PLCB4: variants seen among roughly 807,000 people sequenced by gnomAD.
The protein encoded by PLCB4 is phospholipase C beta 4.
PLCB4 carries 77 observed loss-of-function variants against 178.8 expected under a neutral mutation model. The observed-to-expected ratio is 0.43, with a 90% CI of 0.36 to 0.52. The LOEUF is 0.52. PLCB4 is among the 20% of genes least tolerant of loss of function. PLCB4 has a pLI of 0.00. For synonymous variants in PLCB4, 496 were observed against 490.8 expected (o/e 1.01, Z -0.14); for missense variants, 1,024 against 1,453.4 (o/e 0.70, Z 4.80).
rs1489270910 is a variant in PLCB4 at position 9,084,810 on chromosome 20, A to G, written c.-134-11477A>G. Among the ~76,000 whole-genome samples the G allele has an allele frequency of 2.0e-5, 3 of 152,190 alleles. No homozygotes were observed. In the South Asian group the frequency reaches 6.2e-4, roughly 32 times the overall value. ...ATAAAGCATGACATTGATTTGCTTTAAATAAAAAAAGAATATATTTTCACA... is the reference window on the plus strand; with the variant it reads ...ATAAAGCATGACATTGATTTGCTTTGAATAAAAAAAGAATATATTTTCACA... On this transcript the variant is annotated intron_variant, in intron 1 of 39. Coordinates refer to ENST00000378473, the MANE Select transcript of PLCB4 (RefSeq NM_001377142.1).
intron 4 of PLCB4, among the ~76,000 whole-genome samples, chr20:9,334,097 A>T (rs1402007982): frequency 2.0e-5 from 3 of 152,174 alleles, no homozygotes; most frequent in African/African-American, 7.2e-5. Context: ...AACACAGTGG[A>T]AATGAGAATT....
At chr20:9,287,899 A>G (rs911513828) in intron 3 of PLCB4, among the ~76,000 whole-genome samples, 1 of 152,178 alleles carries the variant, frequency 6.6e-6, no homozygotes, top group Admixed American at 6.6e-5. Flanking sequence ...AGTAATTTCC[A>G]TATTTTTAAA....
chr20:9,456,813 G>A (rs1055912497), intron 33 of PLCB4, among the ~76,000 whole-genome samples: 2 of 152,192 alleles, frequency 1.3e-5, no homozygotes, highest in African/African-American at 4.8e-5. Context: ...TATACATGCT[G>A]AAGATGAAGC....
At chr20:9,308,441 T>C (rs2094795731) in intron 4 of PLCB4, among the ~76,000 whole-genome samples, 1 of 152,198 alleles carries the variant, frequency 6.6e-6, no homozygotes, top group Non-Finnish European at 1.5e-5. Flanking sequence ...GGGCCACCAA[T>C]CTGTTCAGAA....
chr20:9,138,614 A>C (rs1303991435), intron 2 of PLCB4, among the ~76,000 whole-genome samples: 1 of 152,112 alleles, frequency 6.6e-6, no homozygotes, highest in Non-Finnish European at 1.5e-5. Context: ...AAATATGAAA[A>C]TATGATGGGT....
At chr20:9,478,169 T>C (rs2044677442) in intron 39 of PLCB4, among the ~76,000 whole-genome samples, 1 of 152,212 alleles carries the variant, frequency 6.6e-6, no homozygotes, top group Non-Finnish European at 1.5e-5. Flanking sequence ...CAAGTATTTC[T>C]CACCAGACAC....
intron 14 of PLCB4, among the ~76,000 whole-genome samples, chr20:9,386,275 G>C (rs1459509559): frequency 6.6e-6 from 1 of 151,982 alleles, no homozygotes; most frequent in Admixed American, 6.6e-5. Flanking sequence ...AGGGGGAGAG[G>C]GAGAGGGAGA....
At chr20:9,142,134 T>G (rs1173571511) in intron 2 of PLCB4, among the ~76,000 whole-genome samples, 1 of 152,032 alleles carries the variant, frequency 6.6e-6, no homozygotes, top group African/African-American at 2.4e-5. Context: ...GAGGTAGTTT[T>G]GATGAGGAAG....
chr20:9,373,941 G>T (rs1210264084), intron 12 of PLCB4, among the ~76,000 whole-genome samples: 1 of 152,130 alleles, frequency 6.6e-6, no homozygotes, highest in African/African-American at 2.4e-5. Context: ...AAGAGTTTGA[G>T]TGAAGGATGG....
intron 1 of PLCB4, among the ~76,000 whole-genome samples, chr20:9,088,160 T>C (rs1039218897): frequency 7.7e-6 from 1 of 129,554 alleles, no homozygotes; most frequent in South Asian, 2.7e-4. Flanking sequence ...CAATTTATTA[T>C]GGCTTTTCTT....
chr20:9,293,106 A>G lies in PLCB4; in HGVS notation c.-15-14694A>G, dbSNP rs370984423. Among the ~76,000 whole-genome samples, 19 of 151,360 alleles carry G rather than the reference A, an allele frequency of 1.3e-4. No homozygotes were observed. The East Asian group carries it at 2.5e-3, about 20-fold the overall frequency. On this transcript the variant is annotated intron_variant, in intron 3 of 39. Transcript: ENST00000378473. ...AAGAAAGAAAGAAAAAGAGAGAGAG[A>G]CACCCAGAGAGAGACAGAGACAGAG...
intron 3 of PLCB4, among the ~76,000 whole-genome samples, chr20:9,240,075 A>G (rs116499128): frequency 0.015 from 2,291 of 152,262 alleles, 58 homozygotes; most frequent in African/African-American, 0.053. Flanking sequence ...TCGTTTGGCA[A>G]AACCCTCACA....
intron 2 of PLCB4, among the ~76,000 whole-genome samples, chr20:9,215,670 A>G (rs1179619410): frequency 1.3e-5 from 2 of 152,198 alleles, no homozygotes; most frequent in African/African-American, 2.4e-5. Context: ...ATGGTAAAAT[A>G]TTACATAATG....
chr20:9,142,323 G>T (rs1489354528), intron 2 of PLCB4, among the ~76,000 whole-genome samples: 1 of 152,102 alleles, frequency 6.6e-6, no homozygotes, highest in Non-Finnish European at 1.5e-5. Flanking sequence ...TCTTGAATCT[G>T]GGAAAATTAT....
intron 3 of PLCB4, among the ~76,000 whole-genome samples, chr20:9,220,523 C>T (rs113363498): frequency 1.5e-4 from 23 of 152,188 alleles, no homozygotes; most frequent in African/African-American, 5.1e-4. Flanking sequence ...GTAATCCCAG[C>T]GATTCGAGAG....
chr20:9,320,173 A>G (rs910158370), intron 4 of PLCB4, among the ~76,000 whole-genome samples: 2 of 152,224 alleles, frequency 1.3e-5, no homozygotes, highest in African/African-American at 4.8e-5. Flanking sequence ...TCTTGATCAT[A>G]TGCTAAACAA....
At chr20:9,382,389 C>A (rs985842566) in intron 13 of PLCB4, among the ~76,000 whole-genome samples, 1 of 152,156 alleles carries the variant, frequency 6.6e-6, no homozygotes, top group Non-Finnish European at 1.5e-5. Context: ...TCATGTTATT[C>A]CACCCTTTGA....
intron 4 of PLCB4, among the ~76,000 whole-genome samples, chr20:9,332,694 T>C (rs528670871): frequency 3.9e-5 from 6 of 152,306 alleles, no homozygotes; most frequent in Admixed American, 2.0e-4. Flanking sequence ...ATATTTTTTT[T>C]CCCTTTTTTG....
chr20:9,290,686 A>G (rs867085761), intron 3 of PLCB4, among the ~76,000 whole-genome samples: 1 of 152,178 alleles, frequency 6.6e-6, no homozygotes, highest in Non-Finnish European at 1.5e-5. Flanking sequence ...TCTTCAAGAC[A>G]CAATAGTAAT....
Sources: gnomAD v4.1 joint callset for allele counts (sites outside exome capture counted in the v4.1 genomes callset) on GRCh38, gnomAD v4.1.1 for gene constraint, MANE v1.5 for transcripts, NCBI Gene and HGNC (gene_info 2026-07-23, HGNC 2026-07-21) for gene names.